BRSK2: variants seen among roughly 807,000 people sequenced by gnomAD.
BRSK2 encodes BR serine/threonine kinase 2.
A neutral mutation model predicts 83.3 loss-of-function variants in BRSK2; 19 were observed. That is an observed-to-expected ratio of 0.23 (90% CI 0.16 to 0.33). The LOEUF is 0.33. Ranked by LOEUF, BRSK2 falls within the 10% of genes least tolerant of loss-of-function variation. The pLI, the probability that BRSK2 is intolerant of heterozygous loss-of-function variation, is 1.00. For missense variants in BRSK2, 798 were observed against 1,042.3 expected (o/e 0.77, Z 3.23); for synonymous variants, 519 against 435.4 (o/e 1.19, Z -2.39).
Position 1,454,709 on chromosome 11 carries a change from C to A in BRSK2, c.1668+101C>A. 6.9e-7 allele frequency: 1 copy of A among 1,445,680 alleles called. No individual in the cohort carries two copies. Among genetic ancestry groups the A allele is most frequent in the Admixed American group, 1.9e-5 (1 of 53,274 alleles). The allele number at this position is 1,445,680 out of a possible 1,614,324, so 89.6% of individuals were successfully genotyped here. A position where few individuals can be genotyped will look rare whatever the true frequency, so the allele number is the denominator to read the frequency against. On this transcript the variant is annotated intron_variant, in intron 16 of 19. Transcript: ENST00000528841. This position sits in a 1 kb window ranked among gnomAD's most constrained non-coding sequence, Gnocchi z 5.2. ...CTCACGTAGACAGGACATGTCCACG[C>A]GCACAGCACGGACGTCCGCTCACCC...
intron 12 of BRSK2, among the ~76,000 whole-genome samples, chr11:1,448,979 CTT>C (rs966188603): frequency 1.3e-5 from 2 of 152,154 alleles, no homozygotes; most frequent in Non-Finnish European, 2.9e-5. Context: ...TCTCTGTCCT[CTT>C]CTCTTCGGCG....
intron 19 of BRSK2, among the ~76,000 whole-genome samples, chr11:1,460,097 G>C (rs563147184): frequency 2.6e-5 from 4 of 152,212 alleles, no homozygotes; most frequent in Non-Finnish European, 2.9e-5. Context: ...GGGAGGGAAG[G>C]GGGGTGGGGC....
intron 12 of BRSK2, among the ~76,000 whole-genome samples, chr11:1,447,350 G>A (rs879628991): frequency 9.9e-5 from 15 of 152,174 alleles, no homozygotes; most frequent in South Asian, 2.1e-4. Flanking sequence ...TGGCCCCTCC[G>A]GTCAGCGGCG....
chr11:1,460,646 G>A lies in BRSK2; in HGVS notation c.2134G>A (p.Gly712Arg), dbSNP rs763166221. 2.4e-5 allele frequency: 37 copies of A among 1,528,628 alleles called. No individual in the cohort carries two copies. The highest frequency in any genetic ancestry group is 1.8e-4 in the Middle Eastern group (1 of 5,506). The allele number at this position is 1,528,628 out of a possible 1,614,324, so 94.7% of individuals were successfully genotyped here. Residue 712 changes from glycine to arginine, a missense_variant, in exon 20 of 20, where the codon GGA (glycine) becomes AGA (arginine). Gly to Arg is a moderately radical substitution (Grantham distance 125, BLOSUM62 -2). Coordinates refer to ENST00000528841, the MANE Select transcript of BRSK2 (RefSeq NM_001256627.2). The stretch of plus-strand genomic sequence containing the variant: ...CTCCGCGGCCGCTGGCCCTGGCCCC[G>A]GAGGGGACGCCGAGTACCCAACGGG... ...GDSAAAGPGPGGDAEYPTGKD... is the reference protein window; with the variant it reads ...GDSAAAGPGPRGDAEYPTGKD...
chr11:1,451,807 C>T (rs1036435155), intron 15 of BRSK2, among the ~76,000 whole-genome samples: 11 of 152,138 alleles, frequency 7.2e-5, no homozygotes, highest in South Asian at 2.1e-4. Flanking sequence ...GGTGGGAACA[C>T]GTGTGCAGGG....
intron 13 of BRSK2, among the ~76,000 whole-genome samples, chr11:1,450,279 C>T (rs1163174508): frequency 6.6e-6 from 1 of 152,076 alleles, no homozygotes; most frequent in Non-Finnish European, 1.5e-5. Flanking sequence ...GTGGCCCGCC[C>T]CCTGGCCACC....
At chr11:1,396,659 C>T (rs1378585499) in intron 1 of BRSK2, among the ~76,000 whole-genome samples, 1 of 152,242 alleles carries the variant, frequency 6.6e-6, no homozygotes, top group African/African-American at 2.4e-5. Flanking sequence ...CTGTGCCTTC[C>T]AGTCCTCACT....
In BRSK2 at chr11:1,390,185, G is replaced by T. The variant is rs1305785514; in HGVS notation, c.-100G>T. 9.0e-6 allele frequency: 5 copies of T among 554,730 alleles called. No homozygotes were observed. The highest frequency in any genetic ancestry group is 1.1e-5 in the Non-Finnish European group (5 of 440,428). 34.4% of individuals were successfully genotyped at this position (554,730 alleles called of 1,614,324 possible). A position where few individuals can be genotyped will look rare whatever the true frequency, so the allele number is the denominator to read the frequency against. Reference sequence around the variant, plus strand: ...GGGGCCCGCGGGGGCGCCCCGGCCGGGTCGGCGCGGACGGCACTCGGCGGA... The same window carrying T: ...GGGGCCCGCGGGGGCGCCCCGGCCGTGTCGGCGCGGACGGCACTCGGCGGA... On this transcript the variant is annotated 5_prime_UTR_variant, in exon 1 of 20. Coordinates refer to ENST00000528841, the MANE Select transcript of BRSK2 (RefSeq NM_001256627.2). The surrounding 1 kb of genome is among the most constrained non-coding windows in gnomAD (Gnocchi z 6.8).
intron 12 of BRSK2, among the ~76,000 whole-genome samples, chr11:1,447,277 G>A (rs988617455): frequency 6.6e-6 from 1 of 152,200 alleles, no homozygotes; most frequent in Non-Finnish European, 1.5e-5. Context: ...CCTGCCTCCT[G>A]CCTGCGTGGC....
chr11:1,412,455 GC>G (rs1847621615), intron 1 of BRSK2, among the ~76,000 whole-genome samples: 1 of 100,976 alleles, frequency 9.9e-6, no homozygotes, highest in African/African-American at 3.5e-5. Context: ...CAGCTGCGCC[GC>G]CCCGTCCTGT....
chr11:1,394,896 C>CTGGAGATGGGCCA, intron 1 of BRSK2, among the ~76,000 whole-genome samples: 3 of 123,426 alleles, frequency 2.4e-5, no homozygotes, highest in Non-Finnish European at 3.4e-5. Flanking sequence ...GAGATGGGTC[C>CTGGAGATGGGCCA]TGGAGATGGG....
intron 1 of BRSK2, chr11:1,411,710 C>A (rs77133243): frequency 2.0e-6 from 3 of 1,524,000 alleles, no homozygotes; most frequent in East Asian, 4.9e-5. Flanking sequence ...GCAGCCCCCA[C>A]GGCAGGGACG....
chr11:1,440,747 G>A, intron 3 of BRSK2, 41 bp from the exon 4 acceptor site: 1 of 1,536,820 alleles, frequency 6.5e-7, no homozygotes, highest in Non-Finnish European at 8.8e-7. Context: ...GGGGCGGCGG[G>A]CAGCCACAGC....
chr11:1,397,947 G>C (rs1378802282), intron 1 of BRSK2, among the ~76,000 whole-genome samples: 1 of 152,074 alleles, frequency 6.6e-6, no homozygotes, highest in African/African-American at 2.4e-5. Flanking sequence ...TTAAGCTGGA[G>C]CCCAGGGCCC....
At position 1,440,814 on chromosome 11, in the gene BRSK2, G is replaced by A; in HGVS notation, c.299G>A (p.Gly100Asp). ...YLYLVLEHVSGGELFDYLVKK... is the reference protein window; with the variant it reads ...YLYLVLEHVSDGELFDYLVKK... ...TACCTGGTGCTAGAACACGTGTCAG[G>A]TGGTGAGCTCTTCGACTACCTGGTG... The change falls in exon 4 of 20, where the codon GGT becomes GAT. Residue 100 changes from glycine to aspartate, a missense_variant. Gly to Asp is a moderately conservative substitution (Grantham distance 94). This residue lies in a region of BRSK2 where 109 missense variants were observed against 259.2 expected (regional missense o/e 0.42). Transcript: ENST00000528841. The A allele has an allele frequency of 6.3e-7, 1 of 1,587,736 alleles. No individual in the cohort carries two copies. Among genetic ancestry groups the A allele is most frequent in the Non-Finnish European group, 8.6e-7 (1 of 1,166,646 alleles).
intron 17 of BRSK2, 33 bp from the exon 18 acceptor site, chr11:1,456,565 C>A: frequency 1.2e-6 from 2 of 1,606,122 alleles, no homozygotes; most frequent in Non-Finnish European, 1.7e-6. Flanking sequence ...CGGGCCCAGG[C>A]CCGTCCAGGG....
At chr11:1,397,852 G>T (rs1473341097) in intron 1 of BRSK2, among the ~76,000 whole-genome samples, 2 of 152,200 alleles carry the variant, frequency 1.3e-5, no homozygotes, top group Non-Finnish European at 2.9e-5. Flanking sequence ...GGTGGGGCTG[G>T]GTAGGGCCAG....
chr11:1,433,052 A>G (rs866361535), intron 1 of BRSK2, among the ~76,000 whole-genome samples: 1 of 11,556 alleles, frequency 8.7e-5, no homozygotes, highest in Non-Finnish European at 2.0e-4. Context: ...CGGTCTGGTC[A>G]GGTTTTGCCA....
At position 1,443,484 on chromosome 11, in the gene BRSK2, C is replaced by T. The variant is rs759320069; in HGVS notation, c.634-5C>T. On this transcript the variant is annotated splice_region_variant and splice_polypyrimidine_tract_variant and intron_variant, in intron 7 of 19. Transcript: ENST00000528841. Reference sequence around the variant, plus strand: ...ACGCTGACCCCCACACCCGGCCGCCCGCAGGGGGCTCTGCCCTTCGACGAT... The same window carrying T: ...ACGCTGACCCCCACACCCGGCCGCCTGCAGGGGGCTCTGCCCTTCGACGAT... 47 of 1,588,368 alleles carry T rather than the reference C, an allele frequency of 3.0e-5. No homozygotes were observed. In the South Asian group the frequency reaches 4.0e-4, roughly 13 times the overall value.
Sources: gnomAD v4.1 joint callset for allele counts (sites outside exome capture counted in the v4.1 genomes callset) on GRCh38, gnomAD v4.1.1 for gene constraint, gnomAD v4.1.1 regional missense constraint, Gnocchi (gnomAD v3.1) non-coding constraint, MANE v1.5 for transcripts, NCBI Gene and HGNC (gene_info 2026-07-23, HGNC 2026-07-21) for gene names.